The following PTPN12 variants were observed in gnomAD, a reference collection of about 807,000 sequenced individuals.
The protein encoded by PTPN12 is tyrosine-protein phosphatase non-receptor type 12.
Under a neutral mutation model 97.6 loss-of-function variants are expected in PTPN12, and 29 were observed. That is an observed-to-expected ratio of 0.30 (90% CI 0.22 to 0.41). PTPN12 has a LOEUF of 0.41. Among genes scored for constraint, PTPN12 ranks in the 10% least tolerant of loss-of-function variants. PTPN12 has a pLI of 1.00. For missense variants in PTPN12, 819 were observed against 926.0 expected (o/e 0.88, Z 1.50); for synonymous variants, 327 against 300.4 (o/e 1.09, Z -0.91).
In PTPN12 at chr7:77,625,472, G is replaced by GCTCGCGCTCTCTCTCTCTCTCTCTCTCT; in HGVS notation, c.1026-1230_1026-1229insGCGCTCTCTCTCTCTCTCTCTCTCTCTC. Among the ~76,000 whole-genome samples, 63 of 33,526 alleles carry GCTCGCGCTCTCTCTCTCTCTCTCTCTCT rather than the reference G, an allele frequency of 1.9e-3. 15 individuals are homozygous for GCTCGCGCTCTCTCTCTCTCTCTCTCTCT. The highest frequency in any genetic ancestry group is 0.011 in the East Asian group (10 of 884). 22.0% of individuals were successfully genotyped at this position (33,526 alleles called of 152,430 possible). ...TTTTGCCATATTGCCCAGGCTGCTC[G>GCTCGCGCTCTCTCTCTCTCTCTCTCTCT]CTCTCTCTCTCTCTCTCTCTCTCTC... On this transcript the variant is annotated intron_variant, in intron 12 of 17. Coordinates refer to ENST00000248594, the MANE Select transcript of PTPN12 (RefSeq NM_002835.4).
At chr7:77,553,770 G>A (rs1334827317) in intron 1 of PTPN12, among the ~76,000 whole-genome samples, 1 of 151,536 alleles carries the variant, frequency 6.6e-6, no homozygotes, top group Non-Finnish European at 1.5e-5. Context: ...GACCATTCAC[G>A]TTCAGAGTGA....
intron 1 of PTPN12, among the ~76,000 whole-genome samples, chr7:77,550,894 G>A (rs1807449608): frequency 1.3e-5 from 2 of 152,104 alleles, no homozygotes; most frequent in South Asian, 2.1e-4. Context: ...CTCTTGACTG[G>A]TCCACTTTTG....
intron 11 of PTPN12, among the ~76,000 whole-genome samples, chr7:77,611,430 T>C (rs1419289912): frequency 1.3e-5 from 2 of 152,164 alleles, no homozygotes; most frequent in East Asian, 1.9e-4. Context: ...TAGTTATTTG[T>C]GTATATGCTT....
At chr7:77,626,293 A>G (rs930280029) in intron 12 of PTPN12, among the ~76,000 whole-genome samples, 8 of 152,250 alleles carry the variant, frequency 5.3e-5, no homozygotes, top group African/African-American at 1.7e-4. Context: ...GAGGTAATGA[A>G]AAATTACAAT....
chr7:77,626,238 A>T (rs6955119), intron 12 of PTPN12, among the ~76,000 whole-genome samples: 27,579 of 152,154 alleles, frequency 0.18, 3,473 homozygotes, highest in East Asian at 0.62. Context: ...AAAGATACGA[A>T]ATCATGGTGT....
intron 3 of PTPN12, among the ~76,000 whole-genome samples, chr7:77,582,274 C>T (rs917787681): frequency 2.6e-5 from 4 of 151,342 alleles, no homozygotes; most frequent in Non-Finnish European, 5.9e-5. Context: ...GGATTATAGG[C>T]GTGAGCCACT....
At chr7:77,560,207 T>G (rs1175475390) in intron 1 of PTPN12, among the ~76,000 whole-genome samples, 1 of 152,178 alleles carries the variant, frequency 6.6e-6, no homozygotes, top group East Asian at 1.9e-4. Context: ...AACAGTTAAT[T>G]CATGAATAGG....
intron 12 of PTPN12, among the ~76,000 whole-genome samples, chr7:77,620,535 A>G (rs1788896775): frequency 1.3e-5 from 2 of 152,270 alleles, no homozygotes; most frequent in Admixed American, 6.5e-5. Flanking sequence ...TTTTAGAACT[A>G]TTATAAATTG....
chr7:77,583,158 A>G (rs942677545), intron 3 of PTPN12, among the ~76,000 whole-genome samples: 1 of 152,226 alleles, frequency 6.6e-6, no homozygotes. Flanking sequence ...GAAGGTAGCT[A>G]TGGAAGAAAC....
chr7:77,557,402 T>C (rs928130719), intron 1 of PTPN12, among the ~76,000 whole-genome samples: 1 of 152,246 alleles, frequency 6.6e-6, no homozygotes, highest in Middle Eastern at 3.2e-3. Flanking sequence ...CGTATTCACC[T>C]TCTGTCTCTC....
intron 1 of PTPN12, among the ~76,000 whole-genome samples, chr7:77,561,872 A>T (rs1008440706): frequency 2.6e-5 from 4 of 151,612 alleles, no homozygotes; most frequent in Non-Finnish European, 5.9e-5. Context: ...GCTCACTGCA[A>T]GCTCCGCCTC....
intron 2 of PTPN12, among the ~76,000 whole-genome samples, chr7:77,581,170 A>T (rs544221097): frequency 6.6e-6 from 1 of 152,060 alleles, no homozygotes; most frequent in Non-Finnish European, 1.5e-5. Flanking sequence ...CCTCCCAGCC[A>T]GTTTCAAGTG....
At chr7:77,564,746 G>GTTTTTTTGTTTTTTTTTTTTTTTTTTTTT (rs1808165507) in intron 1 of PTPN12, among the ~76,000 whole-genome samples, 1 of 45,370 alleles carries the variant, frequency 2.2e-5, no homozygotes, top group Non-Finnish European at 3.8e-5. Flanking sequence ...TTGTTGTCGT[G>GTTTTTTTGTTTTTTTTTTTTTTTTTTTTT]TTTTTTTTTT....
At chr7:77,599,903 G>A (rs988624456) in intron 7 of PTPN12, among the ~76,000 whole-genome samples, 1 of 152,110 alleles carries the variant, frequency 6.6e-6, no homozygotes, top group Admixed American at 6.5e-5. Context: ...AAGTTATTGA[G>A]GATCCCAAAG....
intron 2 of PTPN12, 87 bp downstream of exon 2, chr7:77,571,273 C>A: frequency 1.3e-6 from 1 of 749,258 alleles, no homozygotes; most frequent in Non-Finnish European, 2.2e-6. Flanking sequence ...CTGAGTTTCA[C>A]TGTTAAGGAA....
rs748855074 is a variant in PTPN12 at position 77,627,683 on chromosome 7, T to TA, written c.1996+9dup. On this transcript the variant is annotated intron_variant, in intron 13 of 17. Transcript: ENST00000248594. ...ATTCAGGTGCTGAAAAAGGTAATAA[T>TA]ATAGTGTCAAATACTTAAATGTCTT... is the stretch of plus-strand genomic sequence containing the variant. 6.5e-7 allele frequency: 1 copy of TA among 1,546,480 alleles called. No homozygotes were observed. The highest frequency in any genetic ancestry group is 8.7e-7 in the Non-Finnish European group (1 of 1,151,352).
At chr7:77,635,267 A>G (rs1388917162) in intron 14 of PTPN12, among the ~76,000 whole-genome samples, 1 of 152,294 alleles carries the variant, frequency 6.6e-6, no homozygotes, top group African/African-American at 2.4e-5. Flanking sequence ...CCCTGTCTGT[A>G]TAAAATCAAA....
At chr7:77,628,304 G>A (rs1200603136) in intron 13 of PTPN12, among the ~76,000 whole-genome samples, 2 of 152,072 alleles carry the variant, frequency 1.3e-5, no homozygotes, top group South Asian at 2.1e-4. Context: ...AGCACTCTTA[G>A]CATTTCAAGA....
intron 13 of PTPN12, among the ~76,000 whole-genome samples, chr7:77,631,943 G>A (rs1272490882): frequency 6.6e-6 from 1 of 152,218 alleles, no homozygotes; most frequent in Admixed American, 6.5e-5. Context: ...ATCATGAAAG[G>A]TGTTAAGCAA....
Sources: gnomAD v4.1 joint callset for allele counts (sites outside exome capture counted in the v4.1 genomes callset) on GRCh38, gnomAD v4.1.1 for gene constraint, MANE v1.5 for transcripts, NCBI Gene and HGNC (gene_info 2026-07-23, HGNC 2026-07-21) for gene names.